Variants in CACNB2 observed in about 807,000 individuals in gnomAD.
CACNB2 encodes voltage-dependent L-type calcium channel subunit beta-2.
Under a neutral mutation model 73.3 loss-of-function variants are expected in CACNB2, and 42 were observed. The observed-to-expected ratio is 0.57, with a 90% CI of 0.45 to 0.74. The LOEUF (loss-of-function observed/expected upper bound fraction) is 0.74. Ranked by LOEUF, CACNB2 falls within the 30% of genes least tolerant of loss-of-function variation. The probability of loss-of-function intolerance (pLI) is 0.00; values close to 1 mark genes in which losing one functional copy is unlikely to be tolerated. For missense variants in CACNB2, 940 were observed against 853.0 expected, an observed-to-expected ratio of 1.10 and a Z score of -1.27; for synonymous variants, 348 against 310.3, an observed-to-expected ratio of 1.12 and a Z score of -1.28.
chr10:18,392,110 G>A (rs900815920), intron 2 of CACNB2, among the ~76,000 whole-genome samples: 6 of 152,076 alleles, frequency 3.9e-5, no homozygotes, highest in African/African-American at 1.4e-4. Flanking sequence ...TAGAAGGGTA[G>A]AAATCTAGGG....
intron 2 of CACNB2, among the ~76,000 whole-genome samples, chr10:18,395,134 G>A (rs1232316956): frequency 6.6e-6 from 1 of 152,084 alleles, no homozygotes; most frequent in Non-Finnish European, 1.5e-5. Context: ...GAGAGAGACT[G>A]AACAAGTTTA....
intron 2 of CACNB2, among the ~76,000 whole-genome samples, chr10:18,351,430 G>T (rs1038549648): frequency 6.6e-6 from 1 of 152,150 alleles, no homozygotes; most frequent in Non-Finnish European, 1.5e-5. Context: ...TATATACAAT[G>T]ATTACTGTCT....
intron 2 of CACNB2, among the ~76,000 whole-genome samples, chr10:18,331,474 G>T (rs1485756520): frequency 6.7e-6 from 1 of 148,576 alleles, no homozygotes; most frequent in Non-Finnish European, 1.5e-5. Flanking sequence ...AAAAAAAAAG[G>T]ATGGGGGGGT....
At chr10:18,450,784 G>A (rs1481588224) in intron 3 of CACNB2, among the ~76,000 whole-genome samples, 5 of 151,956 alleles carry the variant, frequency 3.3e-5, no homozygotes, top group African/African-American at 1.2e-4. Flanking sequence ...CACCATGACT[G>A]GCTAATTTTT....
At chr10:18,238,015 A>G (rs1425027734) in intron 2 of CACNB2, among the ~76,000 whole-genome samples, 1 of 152,142 alleles carries the variant, frequency 6.6e-6, no homozygotes, top group Non-Finnish European at 1.5e-5. Flanking sequence ...AGCATATCCT[A>G]GTTTGGACCT....
chr10:18,258,539 A>T (rs908662058), intron 2 of CACNB2, among the ~76,000 whole-genome samples: 12 of 152,070 alleles, frequency 7.9e-5, no homozygotes, highest in Non-Finnish European at 1.6e-4. Context: ...CAGACTTCCT[A>T]CCGTGGTGAA....
chr10:18,512,194 G>A (rs2050835602), intron 6 of CACNB2, among the ~76,000 whole-genome samples: 1 of 152,148 alleles, frequency 6.6e-6, no homozygotes, highest in African/African-American at 2.4e-5. Flanking sequence ...TTACAGATGA[G>A]GAAACCAGTG....
intron 2 of CACNB2, among the ~76,000 whole-genome samples, chr10:18,277,921 C>T (rs573948647): frequency 1.3e-5 from 2 of 152,174 alleles, no homozygotes; most frequent in Non-Finnish European, 1.5e-5. Context: ...TGTCTGGGAA[C>T]CAGTTTCCTA....
chr10:18,456,074 G>A (rs531646199), intron 3 of CACNB2, among the ~76,000 whole-genome samples: 11 of 152,166 alleles, frequency 7.2e-5, no homozygotes, highest in East Asian at 3.9e-4. Flanking sequence ...AACCAGTCTC[G>A]TTGTTGTCAA....
chr10:18,505,052 A>C (rs981245628), intron 5 of CACNB2, among the ~76,000 whole-genome samples: 8 of 152,202 alleles, frequency 5.3e-5, no homozygotes, highest in Non-Finnish European at 8.8e-5. Context: ...CTCAATGGAA[A>C]TGGAATTGGG....
intron 5 of CACNB2, among the ~76,000 whole-genome samples, chr10:18,504,060 G>A (rs975111355): frequency 1.4e-4 from 22 of 152,294 alleles, no homozygotes; most frequent in African/African-American, 5.1e-4. Context: ...ACTGAGAAAT[G>A]AGAACAACTT....
chr10:18,457,353 G>T (rs915101885), intron 3 of CACNB2, among the ~76,000 whole-genome samples: 2 of 152,004 alleles, frequency 1.3e-5, no homozygotes, highest in East Asian at 3.9e-4. Context: ...GCCTCCCAAA[G>T]TGCTGGAATT....
intron 2 of CACNB2, among the ~76,000 whole-genome samples, chr10:18,374,987 A>C (rs1028073856): frequency 6.6e-6 from 1 of 152,160 alleles, no homozygotes; most frequent in Non-Finnish European, 1.5e-5. Context: ...CTAAGGAGAA[A>C]GTTCTACTTT....
chr10:18,222,958 G>A (rs890168497), intron 2 of CACNB2, among the ~76,000 whole-genome samples: 19 of 152,238 alleles, frequency 1.2e-4, no homozygotes, highest in Admixed American at 1.2e-3. Flanking sequence ...TAAAAGATGT[G>A]AAACTTGCCT....
At chr10:18,359,073 T>TG (rs1237658523) in intron 2 of CACNB2, among the ~76,000 whole-genome samples, 2 of 152,150 alleles carry the variant, frequency 1.3e-5, no homozygotes, top group Non-Finnish European at 2.9e-5. Context: ...AGTAACATGT[T>TG]GGGGGTTTTA....
chr10:18,147,610 G>C (rs1309485445), intron 1 of CACNB2, among the ~76,000 whole-genome samples: 1 of 152,088 alleles, frequency 6.6e-6, no homozygotes, highest in Non-Finnish European at 1.5e-5. Context: ...AACTGTTTCA[G>C]ATATTGGGCG....
intron 2 of CACNB2, among the ~76,000 whole-genome samples, chr10:18,399,147 G>T (rs1372828478): frequency 6.6e-6 from 1 of 152,060 alleles, no homozygotes; most frequent in Non-Finnish European, 1.5e-5. Context: ...GGGTGATTGG[G>T]TCTAACATGG....
chr10:18,235,377 G>C (rs1404458883), intron 2 of CACNB2, among the ~76,000 whole-genome samples: 1 of 151,842 alleles, frequency 6.6e-6, no homozygotes, highest in Non-Finnish European at 1.5e-5. Context: ...AGGATCCCTT[G>C]ATCCTAGAAG....
intron 3 of CACNB2, among the ~76,000 whole-genome samples, chr10:18,461,379 C>T (rs939777291): frequency 1.3e-5 from 2 of 152,268 alleles, no homozygotes; most frequent in East Asian, 3.9e-4. Context: ...CCTTTCAAGG[C>T]TTTAACTTTC....
Sources: gnomAD v4.1 joint callset for allele counts (sites outside exome capture counted in the v4.1 genomes callset) on GRCh38, gnomAD v4.1.1 for gene constraint, MANE v1.5 for transcripts, NCBI Gene and HGNC (gene_info 2026-07-23, HGNC 2026-07-21) for gene names.